PRSS55: variants seen among roughly 807,000 people sequenced by gnomAD.
The protein encoded by PRSS55 is serine protease 55.
A neutral mutation model predicts 23.6 loss-of-function variants in PRSS55; 41 were observed. The ratio of observed to expected loss-of-function variants is 1.74; its 90% confidence interval spans 1.35 to 2.26. The LOEUF (loss-of-function observed/expected upper bound fraction) is 2.26, where lower values mean the gene tolerates loss of function less well. Ranked by LOEUF, PRSS55 falls within the 30% of genes most tolerant of loss-of-function variation. The probability of loss-of-function intolerance (pLI) is 0.00; values close to 1 mark genes in which losing one functional copy is unlikely to be tolerated. For missense variants in PRSS55, 669 were observed against 439.1 expected (o/e 1.52, Z -4.68); for synonymous variants, 262 against 175.5 (o/e 1.49, Z -3.90).
intron 4 of PRSS55, among the ~76,000 whole-genome samples, chr8:10,552,351 C>T (rs1388221805): frequency 6.6e-6 from 1 of 152,166 alleles, no homozygotes; most frequent in East Asian, 1.9e-4. Flanking sequence ...ATCTACCGAG[C>T]ACCGGGTTGA....
rs200141175 is a variant in PRSS55 at position 10,529,700 on chromosome 8, G to A, written c.347+1G>A. The A allele has an allele frequency of 1.9e-6, 3 of 1,610,966 alleles. No individual in the cohort carries two copies. Among genetic ancestry groups the A allele is most frequent in the South Asian group, 1.1e-5 (1 of 90,866 alleles). ...ACTGCTTATATTCCGAGGAGCTGTT[G>A]TAAGTACCATGGGCCTCCCACTGCC... On this transcript the variant is annotated splice_donor_variant, in intron 2 of 4. Transcript: ENST00000328655. LOFTEE classifies it high-confidence loss of function.
rs148265528 is a variant in PRSS55 at position 10,532,905 on chromosome 8, G to C, written c.599-1G>C. On this transcript the variant is annotated splice_acceptor_variant, in intron 3 of 4. Coordinates refer to ENST00000328655, the MANE Select transcript of PRSS55 (RefSeq NM_198464.4). LOFTEE classifies it high-confidence loss of function. Reference sequence around the variant, plus strand: ...TCTAATGCGCTTTCTCTCTGGGCCAGCTGACAAAAACTCTGTGAAAACGGA... The same window carrying C: ...TCTAATGCGCTTTCTCTCTGGGCCACCTGACAAAAACTCTGTGAAAACGGA... 6.2e-7 allele frequency: 1 copy of C among 1,614,184 alleles called. No individual in the cohort carries two copies. Among genetic ancestry groups the C allele is most frequent in the Non-Finnish European group, 8.5e-7 (1 of 1,180,026 alleles).
chr8:10,550,784 A>T (rs922038767), intron 4 of PRSS55, among the ~76,000 whole-genome samples: 5 of 152,226 alleles, frequency 3.3e-5, no homozygotes, highest in Non-Finnish European at 2.9e-5. Flanking sequence ...CACCTGATGT[A>T]CATGCAAAAG....
At chr8:10,532,208 G>A (rs1023551753) in intron 3 of PRSS55, among the ~76,000 whole-genome samples, 1 of 152,158 alleles carries the variant, frequency 6.6e-6, no homozygotes, top group Non-Finnish European at 1.5e-5. Context: ...TGTTTCAGGA[G>A]TTTAGCAACC....
chr8:10,538,420 C>T (rs1812530091), intron 4 of PRSS55, 56 bp from the exon 5 acceptor site: 3 of 1,362,356 alleles, frequency 2.2e-6, no homozygotes, highest in African/African-American at 1.4e-5. Flanking sequence ...TGTGCCCAGC[C>T]TCAGATGGGC....
downstream of PRSS55, among the ~76,000 whole-genome samples, chr8:10,543,014 A>G (rs7007213): frequency 0.66 from 100,265 of 151,682 alleles, 33,500 homozygotes; most frequent in South Asian, 0.77. Context: ...TCCTTATTGC[A>G]AGTTTCTGAT....
intron 4 of PRSS55, among the ~76,000 whole-genome samples, chr8:10,537,679 T>C (rs1812503916): frequency 6.6e-6 from 1 of 152,230 alleles, no homozygotes; most frequent in African/African-American, 2.4e-5. Context: ...TACTGCACAT[T>C]GTATGCCTAT....
At chr8:10,529,478 T>C in intron 1 of PRSS55, 29 bp from the exon 2 acceptor site, 2 of 1,611,204 alleles carry the variant, frequency 1.2e-6, no homozygotes, top group Non-Finnish European at 1.7e-6. Context: ...GTTTCCCCTT[T>C]TCCTTTCCAC....
At chr8:10,526,619 G>C (rs542513315) in intron 1 of PRSS55, among the ~76,000 whole-genome samples, 1 of 152,230 alleles carries the variant, frequency 6.6e-6, no homozygotes, top group Non-Finnish European at 1.5e-5. Flanking sequence ...CTCAGCTCTG[G>C]CATGAACCTG....
intron 1 of PRSS55, among the ~76,000 whole-genome samples, chr8:10,526,071 G>A (rs960825462): frequency 9.2e-5 from 14 of 152,158 alleles, no homozygotes; most frequent in Non-Finnish European, 1.9e-4. Flanking sequence ...CAGGCTTCCA[G>A]GAGCCACAGA....
At chr8:10,530,266 G>A (rs959392143) in intron 2 of PRSS55, among the ~76,000 whole-genome samples, 1 of 152,118 alleles carries the variant, frequency 6.6e-6, no homozygotes, top group African/African-American at 2.4e-5. Flanking sequence ...TCGGTGGTCA[G>A]GAGTTCGAGA....
intron 1 of PRSS55, among the ~76,000 whole-genome samples, chr8:10,526,417 A>T (rs1204327678): frequency 6.6e-6 from 1 of 152,232 alleles, no homozygotes; most frequent in Non-Finnish European, 1.5e-5. Flanking sequence ...TGCCCTGTGC[A>T]CACCACTTCT....
chr8:10,529,790 CCTGCGA>C (rs1812183715), intron 2 of PRSS55, 91 bp downstream of exon 2: 2 of 1,244,118 alleles, frequency 1.6e-6, no homozygotes, highest in South Asian at 2.7e-5. Flanking sequence ...CTGAGAGGAA[CCTGCGA>C]CTGCTCGGTA....
intron 1 of PRSS55, among the ~76,000 whole-genome samples, chr8:10,527,921 G>C (rs185900891): frequency 6.6e-6 from 1 of 152,168 alleles, no homozygotes; most frequent in Non-Finnish European, 1.5e-5. Context: ...GGATCCACAA[G>C]TACCGAATAG....
intron 4 of PRSS55, among the ~76,000 whole-genome samples, chr8:10,536,851 C>A (rs780582823): frequency 2.6e-5 from 4 of 152,112 alleles, no homozygotes; most frequent in Non-Finnish European, 5.9e-5. Flanking sequence ...ACAATAGACA[C>A]CAGGACCTAC....
chr8:10,530,270 T>C (rs1812203359), intron 2 of PRSS55, among the ~76,000 whole-genome samples: 1 of 151,772 alleles, frequency 6.6e-6, no homozygotes, highest in Non-Finnish European at 1.5e-5. Flanking sequence ...TGGTCAGGAG[T>C]TCGAGACTGG....
chr8:10,543,510 T>C (rs1464365415), downstream of PRSS55, among the ~76,000 whole-genome samples: 1 of 147,272 alleles, frequency 6.8e-6, no homozygotes, highest in African/African-American at 2.5e-5. Flanking sequence ...GTCTTCACTC[T>C]GTCGCCCAGG....
chr8:10,533,885 G>A (rs921685339), intron 4 of PRSS55, among the ~76,000 whole-genome samples: 11 of 152,190 alleles, frequency 7.2e-5, no homozygotes, highest in Non-Finnish European at 1.2e-4. Context: ...ATGGTTTAAT[G>A]TGAGAAAATT....
At chr8:10,545,948 C>T (rs560787440) in intron 4 of PRSS55, among the ~76,000 whole-genome samples, 5 of 152,216 alleles carry the variant, frequency 3.3e-5, no homozygotes, top group Non-Finnish European at 7.3e-5. Flanking sequence ...TGCTGGGCCC[C>T]TCCCTGCAGA....
Sources: gnomAD v4.1 joint callset for allele counts (sites outside exome capture counted in the v4.1 genomes callset) on GRCh38, gnomAD v4.1.1 for gene constraint, MANE v1.5 for transcripts, NCBI Gene and HGNC (gene_info 2026-07-23, HGNC 2026-07-21) for gene names.